Variants in FMO3 observed in about 807,000 individuals in gnomAD.
The protein encoded by FMO3 is flavin-containing monooxygenase 3.
In FMO3, 40 loss-of-function variants were observed where a neutral mutation model predicts 39.4. The observed-to-expected ratio is 1.02, with a 90% CI of 0.79 to 1.32. FMO3 has a LOEUF of 1.32. Among genes scored for constraint, FMO3 ranks in the 40% most tolerant of loss-of-function variants. The pLI is 0.00. For synonymous variants in FMO3, 219 were observed against 228.8 expected (o/e 0.96, Z 0.39); for missense variants, 680 against 651.8 (o/e 1.04, Z -0.47).
intron 3 of FMO3, 115 bp downstream of exon 3, chr1:171,104,088 C>A: frequency 1.2e-6 from 1 of 804,630 alleles, no homozygotes; most frequent in Non-Finnish European, 2.1e-6. Flanking sequence ...ACATTTTTAA[C>A]AGTGTGGCCT....
At chr1:171,092,393 T>C (rs1213775887) in intron 1 of FMO3, among the ~76,000 whole-genome samples, 1 of 151,970 alleles carries the variant, frequency 6.6e-6, no homozygotes, top group African/African-American at 2.4e-5. Flanking sequence ...CTGATTTTGT[T>C]TGTTTTTTGT....
In FMO3 at chr1:171,116,242, G is replaced by T. The variant is rs1557947706; in HGVS notation, c.1218G>T (p.Met406Ile). 1 of 1,605,558 alleles carries T rather than the reference G, an allele frequency of 6.2e-7. No homozygotes were observed. Among genetic ancestry groups the T allele is most frequent in the South Asian group, 1.1e-5 (1 of 90,866 alleles). The stretch of plus-strand genomic sequence containing the variant: ...CTTTGCCTTCTATGGAAGACATGAT[G>T]AATGATATTAATGAGAAAATGGAGA... The part of the protein sequence containing the change: ...TCTLPSMEDM[M>I]NDINEKMEKK... The change falls in exon 8 of 9, where the codon ATG becomes ATT. Residue 406 changes from methionine to isoleucine, a missense_variant. By Grantham distance (10) the Met-to-Ile change is conservative. Coordinates refer to ENST00000367755, the MANE Select transcript of FMO3 (RefSeq NM_001002294.3).
intron 5 of FMO3, 91 bp downstream of exon 5, chr1:171,108,312 G>T: frequency 2.0e-6 from 3 of 1,474,666 alleles, no homozygotes. Flanking sequence ...GGGGGAGGAG[G>T]GAAGGGTATC....
intron 2 of FMO3, among the ~76,000 whole-genome samples, chr1:171,096,236 T>TTA (rs377316405): frequency 0.6 from 52,019 of 86,050 alleles, 16,788 homozygotes; most frequent in African/African-American, 0.86. Flanking sequence ...ATAAAATATA[T>TTA]TATTTCATAC....
chr1:171,097,125 A>G (rs1405847085), intron 2 of FMO3, among the ~76,000 whole-genome samples: 1 of 148,096 alleles, frequency 6.8e-6, no homozygotes, highest in East Asian at 2.0e-4. Flanking sequence ...TGAACTCATC[A>G]TTTTTTATGG....
chr1:171,095,346 G>A (rs1403568132), intron 2 of FMO3, among the ~76,000 whole-genome samples: 2 of 152,254 alleles, frequency 1.3e-5, no homozygotes, highest in African/African-American at 4.8e-5. Flanking sequence ...TAGCAGACAT[G>A]CATGTATGCA....
Position 171,101,697 on chromosome 1 carries a change from T to C in FMO3, c.133-2088T>C, listed in dbSNP as rs144864651. ...TAACCCTGATCTAGAGCCACGATGA[T>C]GTATTTCCCTCACCTTCTTTGGTCA... On this transcript the variant is annotated intron_variant, in intron 2 of 8. Transcript: ENST00000367755. 1.2e-3 allele frequency: 585 copies of C among 504,826 alleles called. 3 individuals carry two copies. The highest frequency in any genetic ancestry group is 9.5e-3 in the African/African-American group (491 of 51,782). The allele number at this position is 504,826 out of a possible 1,614,324, so 31.3% of individuals were successfully genotyped here.
intron 2 of FMO3, among the ~76,000 whole-genome samples, chr1:171,096,696 TA>T (rs1164727207): frequency 7.4e-6 from 1 of 135,432 alleles, no homozygotes. Flanking sequence ...ATAATTAATA[TA>T]ATTATATAAA....
chr1:171,114,220 C>T lies in FMO3; in HGVS notation c.1041C>T (p.Asn347=), dbSNP rs770714703. The change falls in exon 7 of 9, where the codon AAC becomes AAT. Residue 347 remains asparagine, a synonymous_variant. Coordinates refer to ENST00000367755, the MANE Select transcript of FMO3 (RefSeq NM_001002294.3). ...ATGAGTCTATCATCAAAAGCAGAAA[C>T]AATGAGATCATTTTATTTAAAGGAG... ...FLDESIIKSR[N]NEIILFKGVF... is the part of the protein sequence containing the mutation. 20 of 1,613,852 alleles carry T rather than the reference C, an allele frequency of 1.2e-5. No homozygotes were observed. Among genetic ancestry groups the T allele is most frequent in the African/African-American group, 4.0e-5 (3 of 74,906 alleles).
At chr1:171,116,121 T>C (rs1390990165) in intron 7 of FMO3, 87 bp from the exon 8 acceptor site, 21 of 826,102 alleles carry the variant, frequency 2.5e-5, no homozygotes, top group Non-Finnish European at 4.0e-5. Context: ...TTAATGTAAT[T>C]CATAACTCAT....
At chr1:171,105,432 T>C (rs970024727) in intron 3 of FMO3, among the ~76,000 whole-genome samples, 3 of 152,156 alleles carry the variant, frequency 2.0e-5, no homozygotes, top group Non-Finnish European at 2.9e-5. Context: ...TCAAATGGTA[T>C]TTCTAGTCCT....
intron 5 of FMO3, 36 bp from the exon 6 acceptor site, chr1:171,110,762 G>A: frequency 6.3e-7 from 1 of 1,589,232 alleles, no homozygotes; most frequent in Non-Finnish European, 8.6e-7. Context: ...ACTACAAATG[G>A]TCACTAATTT....
chr1:171,095,743 TATA>T (rs1002471964), intron 2 of FMO3, among the ~76,000 whole-genome samples: 2 of 123,232 alleles, frequency 1.6e-5, no homozygotes, highest in African/African-American at 5.9e-5. Flanking sequence ...TATATATATC[TATA>T]ATAATATAAA....
Position 171,107,837 on chromosome 1 carries a change from G to C in FMO3, c.484G>C (p.Gly162Arg), listed in dbSNP as rs754675637. Residue 162 changes from glycine (G) to arginine (R), a missense_variant and splice_region_variant, in exon 4 of 9, where the codon GGA becomes CGA. Gly to Arg is a moderately radical substitution (Grantham distance 125). Transcript: ENST00000367755. ...CAACCTACCAAAAGAGTCCTTTCCA[G>C]GTAAGGCCAAAATTTAAGCTGCTAG... ...YPNLPKESFP[G>R]LNHFKGKCFH... 4 of 1,613,518 alleles carry C rather than the reference G, an allele frequency of 2.5e-6. No homozygotes were observed. Among genetic ancestry groups the C allele is most frequent in the Non-Finnish European group, 3.4e-6 (4 of 1,179,708 alleles).
chr1:171,103,882 A>G lies in FMO3; in HGVS notation c.230A>G (p.Asp77Gly). 1 of 1,613,842 alleles carries G rather than the reference A, an allele frequency of 6.2e-7. No individual in the cohort carries two copies. The change falls in exon 3 of 9, where the codon GAC becomes GGC. Residue 77 changes from aspartate to glycine, a missense_variant. Coordinates refer to ENST00000367755, the MANE Select transcript of FMO3 (RefSeq NM_001002294.3). ...TTCCCAGACTTCCCATTTCCCGATG[A>G]CTTCCCCAACTTTATGCACAACAGC... ...MCFPDFPFPD[D>G]FPNFMHNSKI...
At chr1:171,110,408 C>A (rs2235192) in intron 5 of FMO3, among the ~76,000 whole-genome samples, 49,955 of 151,944 alleles carry the variant, frequency 0.33, 9,072 homozygotes, top group African/African-American at 0.46. Flanking sequence ...GTGGCTGACC[C>A]TAAGATGTAG....
chr1:171,096,064 TTATATATTAATA>T (rs1655003263), intron 2 of FMO3, among the ~76,000 whole-genome samples: 1 of 39,618 alleles, frequency 2.5e-5, no homozygotes, highest in Non-Finnish European at 3.5e-5. Flanking sequence ...ATAATATATA[TTATATATTAATA>T]TATAATATAT....
intron 2 of FMO3, chr1:171,100,849 TCTTA>T (rs976466495): frequency 4.4e-5 from 12 of 273,522 alleles, no homozygotes; most frequent in African/African-American, 1.7e-4. Context: ...GTAAATGTTA[TCTTA>T]CTTACAAGAG....
intron 2 of FMO3, among the ~76,000 whole-genome samples, chr1:171,102,946 G>A (rs1256924240): frequency 6.6e-6 from 1 of 152,162 alleles, no homozygotes; most frequent in Non-Finnish European, 1.5e-5. Flanking sequence ...TTCTGTGTTA[G>A]ATTCAAAATA....
Sources: allele counts gnomAD v4.1 joint callset (sites outside exome capture counted in the v4.1 genomes callset), GRCh38; gene constraint gnomAD v4.1.1; transcripts MANE v1.5; gene names NCBI Gene and HGNC (gene_info 2026-07-23, HGNC 2026-07-21).